ANKRD7: variants seen among roughly 807,000 people sequenced by gnomAD.
The protein encoded by ANKRD7 is ankyrin repeat domain-containing protein 7.
ANKRD7 carries 30 observed loss-of-function variants against 30.8 expected under a neutral mutation model. That is an observed-to-expected ratio of 0.97 (90% confidence interval 0.73 to 1.32). The LOEUF (loss-of-function observed/expected upper bound fraction) is 1.32. Ranked by LOEUF, ANKRD7 falls within the 40% of genes most tolerant of loss-of-function variation. ANKRD7 has a pLI of 0.00. For synonymous variants in ANKRD7, 97 were observed against 106.6 expected, an observed-to-expected ratio of 0.91 and a Z score of 0.55; for missense variants, 264 against 295.7, an observed-to-expected ratio of 0.89 and a Z score of 0.79.
At chr7:118,241,537 T>C (rs1181929686) in intron 6 of ANKRD7, among the ~76,000 whole-genome samples, 2 of 134,342 alleles carry the variant, frequency 1.5e-5, no homozygotes, top group Non-Finnish European at 3.3e-5. Context: ...TTTTTTTTTT[T>C]TTTTTTTTTT....
At chr7:118,226,588 A>G (rs1318024550) in intron 1 of ANKRD7, among the ~76,000 whole-genome samples, 1 of 152,218 alleles carries the variant, frequency 6.6e-6, no homozygotes, top group Non-Finnish European at 1.5e-5. Flanking sequence ...GTTAAGTTGA[A>G]GTGGATCATC....
intron 1 of ANKRD7, among the ~76,000 whole-genome samples, chr7:118,226,719 A>G (rs1809548511): frequency 6.6e-6 from 1 of 152,188 alleles, no homozygotes. Context: ...TGATATCTAC[A>G]TATATTTTAT....
At chr7:118,225,063 A>G (rs113323302) in intron 1 of ANKRD7, 54 bp downstream of exon 1, 4 of 1,588,712 alleles carry the variant, frequency 2.5e-6, no homozygotes, top group African/African-American at 2.7e-5. Context: ...TGGGTCGTTC[A>G]ACCAGAAATA....
Position 118,239,975 on chromosome 7 carries a change from G to T in ANKRD7, c.*14G>T. 1 of 1,568,002 alleles carries T rather than the reference G, an allele frequency of 6.4e-7. No homozygotes were observed. Among genetic ancestry groups the T allele is most frequent in the South Asian group, 1.2e-5 (1 of 82,630 alleles). On this transcript the variant is annotated 3_prime_UTR_variant, in exon 6 of 7. Coordinates refer to ENST00000265224, the MANE Select transcript of ANKRD7 (RefSeq NM_019644.4). ...CATGCTAAATAGACACCTTATTCTT[G>T]GCACTACATGTGACTAAAGGAAGGT...
At chr7:118,230,477 T>G (rs1307608449) in intron 1 of ANKRD7, among the ~76,000 whole-genome samples, 1 of 151,218 alleles carries the variant, frequency 6.6e-6, no homozygotes, top group African/African-American at 2.4e-5. Flanking sequence ...TTACCAGTGG[T>G]TTTAGATATG....
At position 118,224,834 on chromosome 7, in the gene ANKRD7, A is replaced by C; in HGVS notation, c.4A>C (p.Asn2His). Residue 2 changes from asparagine to histidine, a missense_variant, in exon 1 of 7, where the codon AAT (asparagine) becomes CAT (histidine). Asn to His is a moderately conservative substitution (Grantham distance 68). Coordinates refer to ENST00000265224, the MANE Select transcript of ANKRD7 (RefSeq NM_019644.4). M[N>H]KLFSFWKRKN... is the part of the protein sequence containing the mutation. The stretch of plus-strand genomic sequence containing the variant: ...AAAGGCTGCAGCCTGCACCGCCATG[A>C]ATAAGCTTTTCAGCTTCTGGAAGAG... The C allele has an allele frequency of 1.2e-6, 2 of 1,612,374 alleles. No homozygotes were observed. Among genetic ancestry groups the C allele is most frequent in the East Asian group, 2.2e-5 (1 of 44,864 alleles).
intron 1 of ANKRD7, among the ~76,000 whole-genome samples, chr7:118,229,169 G>A (rs972519408): frequency 1.3e-5 from 2 of 152,008 alleles, no homozygotes; most frequent in African/African-American, 4.8e-5. Context: ...TGGTCCCTCT[G>A]CCTGGGGTGC....
chr7:118,228,135 CCTAATTCTGTGGACACTTCTT>C (rs1809576579), intron 1 of ANKRD7: 1 of 1,095,416 alleles, frequency 9.1e-7, no homozygotes. Flanking sequence ...TGGCATTTCT[CCTAATTCTGTGGACACTTCTT>C]TTGAGACTCT....
At chr7:118,230,206 C>T (rs187402989) in intron 1 of ANKRD7, among the ~76,000 whole-genome samples, 2 of 151,958 alleles carry the variant, frequency 1.3e-5, no homozygotes, top group East Asian at 3.9e-4. Flanking sequence ...AAATAAAAGG[C>T]ATCCAAATTG....
intron 1 of ANKRD7, among the ~76,000 whole-genome samples, chr7:118,230,229 T>C (rs548661929): frequency 6.6e-6 from 1 of 152,082 alleles, no homozygotes; most frequent in East Asian, 1.9e-4. Flanking sequence ...AAAGAGGATA[T>C]GAAATTATCT....
intron 1 of ANKRD7, among the ~76,000 whole-genome samples, chr7:118,229,754 C>G (rs928113341): frequency 3.3e-5 from 5 of 152,000 alleles, no homozygotes; most frequent in Non-Finnish European, 1.5e-5. Flanking sequence ...TCCAATATTC[C>G]TATGAACATA....
intron 5 of ANKRD7, 150 bp downstream of exon 5, chr7:118,237,076 T>C (rs747282895): frequency 8.1e-5 from 68 of 840,586 alleles, no homozygotes; most frequent in Non-Finnish European, 1.1e-4. Flanking sequence ...TCTCTGTTTG[T>C]GGGTTCAATC....
chr7:118,230,307 G>A (rs1809612827), intron 1 of ANKRD7, among the ~76,000 whole-genome samples: 1 of 151,938 alleles, frequency 6.6e-6, no homozygotes, highest in African/African-American at 2.4e-5. Flanking sequence ...TGGTGGGATG[G>A]GCATGAGAGT....
intron 1 of ANKRD7, among the ~76,000 whole-genome samples, chr7:118,230,609 T>A (rs544870461): frequency 6.6e-6 from 1 of 151,886 alleles, no homozygotes; most frequent in African/African-American, 2.4e-5. Context: ...GAAAAAAATC[T>A]CAAATTGTAT....
intron 1 of ANKRD7, among the ~76,000 whole-genome samples, chr7:118,233,626 G>C (rs921779554): frequency 1.3e-5 from 2 of 152,002 alleles, no homozygotes; most frequent in African/African-American, 4.8e-5. Flanking sequence ...GGTACCCATA[G>C]AGTACTTCTG....
chr7:118,226,604 G>T (rs762747416), intron 1 of ANKRD7, among the ~76,000 whole-genome samples: 1 of 152,190 alleles, frequency 6.6e-6, no homozygotes, highest in Non-Finnish European at 1.5e-5. Flanking sequence ...TCATCATAAA[G>T]TTCTTCATCC....
intron 5 of ANKRD7, among the ~76,000 whole-genome samples, chr7:118,239,498 C>G (rs1809787085): frequency 6.6e-6 from 1 of 152,132 alleles, no homozygotes; most frequent in South Asian, 2.1e-4. Context: ...CAGATTTTCC[C>G]TTAAGGACCT....
intron 6 of ANKRD7, among the ~76,000 whole-genome samples, chr7:118,241,133 C>A (rs1229932034): frequency 7.2e-6 from 1 of 138,170 alleles, no homozygotes; most frequent in South Asian, 2.3e-4. Flanking sequence ...CGCAGTCCGG[C>A]CTGGGCGACA....
chr7:118,227,555 TTTG>T (rs1809565073), intron 1 of ANKRD7, among the ~76,000 whole-genome samples: 3 of 152,272 alleles, frequency 2.0e-5, no homozygotes, highest in South Asian at 4.2e-4. Flanking sequence ...AATTGGTGTG[TTTG>T]TTGTGAGGAA....
Sources: allele counts gnomAD v4.1 joint callset (sites outside exome capture counted in the v4.1 genomes callset), GRCh38; gene constraint gnomAD v4.1.1; transcripts MANE v1.5; gene names NCBI Gene and HGNC (gene_info 2026-07-23, HGNC 2026-07-21).